Variants in KIF26B observed in about 807,000 individuals in gnomAD.
The protein encoded by KIF26B is kinesin family member 26B.
A neutral mutation model predicts 151.2 loss-of-function variants in KIF26B; 63 were observed. The observed-to-expected ratio is 0.42, with a 90% CI of 0.34 to 0.51. KIF26B has a LOEUF of 0.51. Ranked by LOEUF, KIF26B falls within the 20% of genes least tolerant of loss-of-function variation. The probability of loss-of-function intolerance (pLI) is 0.07; values close to 1 mark genes in which losing one functional copy is unlikely to be tolerated. For missense variants in KIF26B, 2,813 were observed against 2,913.6 expected, an observed-to-expected ratio of 0.97 and a Z score of 0.79; for synonymous variants, 1,357 against 1,262.1, an observed-to-expected ratio of 1.08 and a Z score of -1.59.
chr1:245,650,716 A>G (rs6428941), intron 10 of KIF26B, among the ~76,000 whole-genome samples: 72,266 of 152,098 alleles, frequency 0.48, 17,927 homozygotes, highest in Non-Finnish European at 0.56. Flanking sequence ...TTGCCAACAC[A>G]GTGTTTCTAA....
intron 2 of KIF26B, among the ~76,000 whole-genome samples, chr1:245,211,952 C>CG (rs1558346954): frequency 2.6e-5 from 4 of 152,124 alleles, no homozygotes; most frequent in African/African-American, 9.7e-5. Flanking sequence ...TGCTCCTCAG[C>CG]GGGGGCCTGG....
At chr1:245,374,121 ATATATATATATATATATG>A (rs1244195117) in intron 3 of KIF26B, among the ~76,000 whole-genome samples, 8 of 95,138 alleles carry the variant, frequency 8.4e-5, no homozygotes, top group African/African-American at 2.4e-4. Context: ...ATATATATAT[ATATATATATATATATATG>A]GGCACAAAAG....
chr1:245,599,332 T>TC (rs2043367191), intron 5 of KIF26B, among the ~76,000 whole-genome samples: 1 of 152,202 alleles, frequency 6.6e-6, no homozygotes, highest in Non-Finnish European at 1.5e-5. Flanking sequence ...GTGTGGCCTT[T>TC]CCCCCAGCTC....
chr1:245,672,789 C>T (rs1483583213), intron 10 of KIF26B, among the ~76,000 whole-genome samples: 1 of 152,150 alleles, frequency 6.6e-6, no homozygotes, highest in Non-Finnish European at 1.5e-5. Flanking sequence ...ACCTCCCTTT[C>T]ACCTTTCCAA....
intron 4 of KIF26B, among the ~76,000 whole-genome samples, chr1:245,429,367 C>T (rs955000844): frequency 3.3e-5 from 5 of 152,130 alleles, no homozygotes; most frequent in African/African-American, 9.7e-5. Flanking sequence ...AACGACTGTC[C>T]AGGCCTTCTG....
chr1:245,292,545 C>G (rs959804251), intron 2 of KIF26B, among the ~76,000 whole-genome samples: 1 of 152,180 alleles, frequency 6.6e-6, no homozygotes, highest in Admixed American at 6.5e-5. Flanking sequence ...TGCCCATATT[C>G]CCCCCATTGG....
At chr1:245,230,264 C>T (rs901922760) in intron 2 of KIF26B, among the ~76,000 whole-genome samples, 5 of 152,068 alleles carry the variant, frequency 3.3e-5, no homozygotes, top group Admixed American at 2.6e-4. Flanking sequence ...AGCTAACTCC[C>T]AGCTCCCACC....
At chr1:245,369,096 CCACTGCACTCCAGCAG>C (rs967334482) in intron 3 of KIF26B, among the ~76,000 whole-genome samples, 22 of 152,024 alleles carry the variant, frequency 1.4e-4, no homozygotes, top group Non-Finnish European at 2.4e-4. Flanking sequence ...CGAGATTGCA[CCACTGCACTCCAGCAG>C]CACTGCACTC....
At chr1:245,636,999 A>T (rs1169131550) in intron 9 of KIF26B, among the ~76,000 whole-genome samples, 2 of 151,942 alleles carry the variant, frequency 1.3e-5, no homozygotes, top group Admixed American at 6.6e-5. Flanking sequence ...TACCTCTTTG[A>T]TATACTGATT....
chr1:245,469,572 A>G (rs985363728), intron 4 of KIF26B, among the ~76,000 whole-genome samples: 12 of 152,208 alleles, frequency 7.9e-5, no homozygotes, highest in Admixed American at 3.3e-4. Flanking sequence ...CCTTCACTCC[A>G]GGACGAAACC....
intron 2 of KIF26B, among the ~76,000 whole-genome samples, chr1:245,337,261 T>G (rs1026607557): frequency 6.9e-6 from 1 of 145,728 alleles, no homozygotes; most frequent in Admixed American, 6.8e-5. Flanking sequence ...AACCTCTACC[T>G]CCTGGGTTCA....
At chr1:245,436,346 G>A (rs1447229751) in intron 4 of KIF26B, among the ~76,000 whole-genome samples, 2 of 152,076 alleles carry the variant, frequency 1.3e-5, no homozygotes, top group African/African-American at 4.8e-5. Context: ...AACCACCCAG[G>A]TACCTACACA....
Position 245,540,917 on chromosome 1 carries a change from C to T in KIF26B, c.1317C>T (p.Val439=), listed in dbSNP as rs867524730. The change falls in exon 5 of 15, where the codon GTC becomes GTT. Residue 439 remains valine, a synonymous_variant. Transcript: ENST00000407071. The surrounding 1 kb of genome is among the most constrained non-coding windows in gnomAD (Gnocchi z 4.6). The part of the protein sequence containing the change: ...PPAPPCLLRA[V]NKVKDTPGLG... ...CCCCACCCTGCCTGCTGAGGGCTGT[C>T]AACAAGGTGAAGGACACCCCGGGGC... 1 of 1,613,830 alleles carries T rather than the reference C, an allele frequency of 6.2e-7. No individual in the cohort carries two copies.
chr1:245,623,182 T>TA (rs1413395842), intron 9 of KIF26B, among the ~76,000 whole-genome samples: 4 of 152,032 alleles, frequency 2.6e-5, no homozygotes, highest in Non-Finnish European at 4.4e-5. Flanking sequence ...AATGAATATA[T>TA]TCTTCACCCC....
At chr1:245,681,262 T>A (rs2050879) in intron 10 of KIF26B, among the ~76,000 whole-genome samples, 1 of 150,508 alleles carries the variant, frequency 6.6e-6, no homozygotes, top group East Asian at 2.0e-4. Context: ...CAGGCTGAAG[T>A]GCAGTGGCGC....
At chr1:245,620,494 G>A (rs1252070348) in intron 9 of KIF26B, among the ~76,000 whole-genome samples, 2 of 152,120 alleles carry the variant, frequency 1.3e-5, no homozygotes, top group African/African-American at 4.8e-5. Context: ...CTGCCTCCCA[G>A]GCTCAAGTGA....
chr1:245,352,537 T>C lies in KIF26B; in HGVS notation c.466-14297T>C, dbSNP rs544618116. 6.6e-6 allele frequency among the ~76,000 whole-genome samples: 1 copy of C among 152,350 alleles called. No homozygotes were observed. The highest frequency in any genetic ancestry group is 3.4e-3 in the Middle Eastern group (1 of 294). ...CCTTGGCCTCGCCAAGTGCTGAGATTATAGGCGTGAACCACTGTGCCTGGC... is the reference window on the plus strand; with the variant it reads ...CCTTGGCCTCGCCAAGTGCTGAGATCATAGGCGTGAACCACTGTGCCTGGC... On this transcript the variant is annotated intron_variant, in intron 2 of 14. Transcript: ENST00000407071. The surrounding 1 kb of genome is among the most constrained non-coding windows in gnomAD (Gnocchi z 5.0).
chr1:245,408,403 G>A (rs1407322830), intron 3 of KIF26B, among the ~76,000 whole-genome samples: 3 of 131,132 alleles, frequency 2.3e-5, no homozygotes, highest in Admixed American at 9.6e-5. Flanking sequence ...CACCTAGGCT[G>A]GAGTGCAGTG....
intron 2 of KIF26B, among the ~76,000 whole-genome samples, chr1:245,268,083 G>C (rs186770176): frequency 6.6e-6 from 1 of 152,220 alleles, no homozygotes; most frequent in Non-Finnish European, 1.5e-5. Flanking sequence ...GGGGTGGAAG[G>C]ATCACGTGAA....
Sources: allele counts gnomAD v4.1 joint callset (sites outside exome capture counted in the v4.1 genomes callset), GRCh38; gene constraint gnomAD v4.1.1; non-coding constraint Gnocchi (gnomAD v3.1); transcripts MANE v1.5; gene names NCBI Gene and HGNC (gene_info 2026-07-23, HGNC 2026-07-21).